ROBO2: variants seen among roughly 807,000 people sequenced by gnomAD.
ROBO2 encodes the protein roundabout homolog 2.
Under a neutral mutation model 160.8 loss-of-function variants are expected in ROBO2, and 53 were observed. That is an observed-to-expected ratio of 0.33 (90% CI 0.26 to 0.41). The LOEUF is 0.41. Among genes scored for constraint, ROBO2 ranks in the 10% least tolerant of loss-of-function variants. ROBO2 has a pLI of 1.00. For synonymous variants in ROBO2, 664 were observed against 611.7 expected, an observed-to-expected ratio of 1.09 and a Z score of -1.26; for missense variants, 1,577 against 1,722.4, an observed-to-expected ratio of 0.92 and a Z score of 1.49.
intron 2 of ROBO2, among the ~76,000 whole-genome samples, chr3:76,603,327 ATCTCC>A (rs1319289215): frequency 0.12 from 8,780 of 75,666 alleles, 421 homozygotes; most frequent in East Asian, 0.27. Flanking sequence ...GCGAGACTCC[ATCTCC>A]AAAAAAAAAA....
chr3:76,708,436 T>C (rs1424107986), intron 2 of ROBO2, among the ~76,000 whole-genome samples: 1 of 152,178 alleles, frequency 6.6e-6, no homozygotes, highest in East Asian at 1.9e-4. Flanking sequence ...AATGTTAGGA[T>C]GAAGTGGAAG....
intron 2 of ROBO2, among the ~76,000 whole-genome samples, chr3:75,953,133 G>T (rs1214744251): frequency 6.6e-6 from 1 of 151,812 alleles, no homozygotes; most frequent in Non-Finnish European, 1.5e-5. Flanking sequence ...TAAATACCAG[G>T]GAATGTAATT....
At chr3:76,146,561 A>C (rs2071897373) in intron 2 of ROBO2, among the ~76,000 whole-genome samples, 1 of 151,698 alleles carries the variant, frequency 6.6e-6, no homozygotes, top group South Asian at 2.1e-4. Flanking sequence ...GATTATCTTA[A>C]AGTCAATTTA....
chr3:77,476,685 C>A (rs2084048704), intron 2 of ROBO2, among the ~76,000 whole-genome samples: 2 of 152,124 alleles, frequency 1.3e-5, no homozygotes, highest in Non-Finnish European at 2.9e-5. Flanking sequence ...TTTGGAGAGG[C>A]AGGCATGCCA....
At chr3:77,435,631 A>C (rs991865421) in intron 2 of ROBO2, among the ~76,000 whole-genome samples, 1 of 151,872 alleles carries the variant, frequency 6.6e-6, no homozygotes, top group Non-Finnish European at 1.5e-5. Flanking sequence ...TGATCCGCTA[A>C]AAAATGAAAG....
chr3:77,265,208 G>A (rs140290801), intron 2 of ROBO2, among the ~76,000 whole-genome samples: 4 of 152,232 alleles, frequency 2.6e-5, no homozygotes, highest in Non-Finnish European at 5.9e-5. Context: ...TCCAATTGAG[G>A]CATCTGCGAC....
intron 2 of ROBO2, among the ~76,000 whole-genome samples, chr3:76,210,592 AAC>A (rs780689874): frequency 3.9e-5 from 6 of 152,264 alleles, no homozygotes; most frequent in South Asian, 2.1e-4. Flanking sequence ...GCTATATTTA[AAC>A]AGAGTTAATA....
chr3:77,200,267 TTATATATATATATA>T (rs144644165), intron 2 of ROBO2, among the ~76,000 whole-genome samples: 492 of 46,546 alleles, frequency 0.011, 7 homozygotes, highest in Non-Finnish European at 0.015. Flanking sequence ...CTAACATATT[TTATATATATATATA>T]TATATATATA....
chr3:76,394,934 A>T (rs531596051), intron 2 of ROBO2, among the ~76,000 whole-genome samples: 1 of 152,140 alleles, frequency 6.6e-6, no homozygotes. Flanking sequence ...GAAAGTCAAC[A>T]AGGATATCCA....
chr3:76,217,694 C>G lies in ROBO2; in HGVS notation c.109+280092C>G, dbSNP rs530718980. ...TAATAGCTTACCAACCAAAAAAATC[C>G]AGGACCAGATGGATATACAGCGGAA... On this transcript the variant is annotated intron_variant, in intron 2 of 26. Transcript: ENST00000487694. Among the ~76,000 whole-genome samples, 3 of 152,174 alleles carry G rather than the reference C, an allele frequency of 2.0e-5. No homozygotes were observed. The South Asian group carries it at 6.2e-4, about 32-fold the overall frequency.
chr3:75,911,561 T>TTTTC (rs1268288708), intron 1 of ROBO2, among the ~76,000 whole-genome samples: 3 of 130,382 alleles, frequency 2.3e-5, no homozygotes, highest in Non-Finnish European at 4.8e-5. Flanking sequence ...TCTTTTTTTT[T>TTTTC]TTTTTTTTTT....
intron 2 of ROBO2, among the ~76,000 whole-genome samples, chr3:76,736,201 G>A (rs916424602): frequency 1.3e-5 from 2 of 151,578 alleles, no homozygotes; most frequent in Non-Finnish European, 2.9e-5. Flanking sequence ...AGAATGGGGG[G>A]AACCCGGGAG....
intron 19 of ROBO2, among the ~76,000 whole-genome samples, chr3:77,599,257 T>C (rs959379516): frequency 1.3e-5 from 2 of 152,108 alleles, no homozygotes; most frequent in Non-Finnish European, 2.9e-5. Context: ...CATATTTCCA[T>C]TTTAAGGATC....
intron 1 of ROBO2, among the ~76,000 whole-genome samples, chr3:77,045,773 A>G (rs1559894795): frequency 6.6e-6 from 1 of 152,172 alleles, no homozygotes; most frequent in Non-Finnish European, 1.5e-5. Flanking sequence ...TTGTTCCACC[A>G]TCCCTCCACC....
chr3:76,513,754 T>C (rs1008936817), intron 2 of ROBO2, among the ~76,000 whole-genome samples: 1 of 152,212 alleles, frequency 6.6e-6, no homozygotes, highest in African/African-American at 2.4e-5. Flanking sequence ...ATATGTCCAC[T>C]ACCCAGTTTA....
chr3:76,206,528 A>G (rs368596354), intron 2 of ROBO2, among the ~76,000 whole-genome samples: 2 of 151,292 alleles, frequency 1.3e-5, no homozygotes, highest in Admixed American at 1.3e-4. Context: ...TTAAAAGTTC[A>G]GAGTGCCTCC....
At chr3:76,772,146 T>C (rs925860077) in intron 2 of ROBO2, among the ~76,000 whole-genome samples, 1 of 151,280 alleles carries the variant, frequency 6.6e-6, no homozygotes, top group Non-Finnish European at 1.5e-5. Context: ...GTGGGCTTTG[T>C]TTGTAAAATA....
upstream of ROBO2, among the ~76,000 whole-genome samples, chr3:77,036,310 T>C (rs921348403): frequency 2.0e-5 from 3 of 151,996 alleles, no homozygotes; most frequent in African/African-American, 7.2e-5. Context: ...TGGCAGTATA[T>C]GTTAAAATTA....
intron 2 of ROBO2, among the ~76,000 whole-genome samples, chr3:75,987,159 T>A (rs997202180): frequency 6.6e-6 from 1 of 151,936 alleles, no homozygotes; most frequent in Non-Finnish European, 1.5e-5. Flanking sequence ...TTGGGTAGTA[T>A]TAACATCTTA....
Sources: gnomAD v4.1 joint callset for allele counts (sites outside exome capture counted in the v4.1 genomes callset) on GRCh38, gnomAD v4.1.1 for gene constraint, MANE v1.5 for transcripts, NCBI Gene and HGNC (gene_info 2026-07-23, HGNC 2026-07-21) for gene names.